Variants in IL1RAPL2 observed in about 807,000 individuals in gnomAD.
IL1RAPL2 encodes interleukin 1 receptor accessory protein like 2, also known as X-linked interleukin-1 receptor accessory protein-like 2.
IL1RAPL2 carries 3 observed loss-of-function variants against 44.1 expected under a neutral mutation model. That is an observed-to-expected ratio of 0.07 (90% CI 0.03 to 0.18). The LOEUF is 0.18. Ranked by LOEUF, IL1RAPL2 falls within the 10% of genes least tolerant of loss-of-function variation. IL1RAPL2 has a pLI of 1.00. For synonymous variants in IL1RAPL2, 181 were observed against 178.8 expected (o/e 1.01, Z -0.10); for missense variants, 391 against 496.4 (o/e 0.79, Z 2.02).
intron 2 of IL1RAPL2, among the ~76,000 whole-genome samples, chrX:105,006,910 A>G (rs1444730056): frequency 9.0e-6 from 1 of 111,346 alleles, no homozygotes; most frequent in African/African-American, 3.3e-5. Flanking sequence ...TTAAATTTCA[A>G]TCTACCAGTG....
At chrX:105,107,055 T>C (rs2032751206) in intron 2 of IL1RAPL2, among the ~76,000 whole-genome samples, 1 of 112,161 alleles carries the variant, frequency 8.9e-6, no homozygotes, top group South Asian at 3.7e-4. Flanking sequence ...TTATTTGCCA[T>C]CATGTATCTC....
chrX:105,007,599 C>G (rs1364977289), intron 2 of IL1RAPL2, among the ~76,000 whole-genome samples: 1 of 111,557 alleles, frequency 9.0e-6, no homozygotes, highest in African/African-American at 3.2e-5. Flanking sequence ...TCTTCCAATG[C>G]TAAGATTCTA....
At chrX:104,636,717 C>T (rs1462671016) in intron 1 of IL1RAPL2, among the ~76,000 whole-genome samples, 1 of 112,167 alleles carries the variant, frequency 8.9e-6, no homozygotes, top group South Asian at 3.8e-4. Flanking sequence ...GTGGTAGTGA[C>T]CCGATTTTCC....
At chrX:105,742,347 G>A (rs930496496) in intron 8 of IL1RAPL2, among the ~76,000 whole-genome samples, 4 of 111,158 alleles carry the variant, frequency 3.6e-5, no homozygotes, top group African/African-American at 1.3e-4. Context: ...TTAAAATTCC[G>A]CAAAAGATAC....
chrX:104,881,377 G>A (rs1227745421), intron 2 of IL1RAPL2, among the ~76,000 whole-genome samples: 1 of 111,726 alleles, frequency 9.0e-6, no homozygotes, highest in Non-Finnish European at 1.9e-5. Flanking sequence ...TTTTGTTGTA[G>A]TCACATTAGG....
intron 2 of IL1RAPL2, among the ~76,000 whole-genome samples, chrX:104,982,517 C>A (rs2030461164): frequency 9.0e-6 from 1 of 110,857 alleles, no homozygotes; most frequent in African/African-American, 3.3e-5. Flanking sequence ...TAGTATGTAG[C>A]AAAGTGCCTG....
At chrX:104,579,566 G>T (rs189863056) in intron 1 of IL1RAPL2, among the ~76,000 whole-genome samples, 2 of 111,470 alleles carry the variant, frequency 1.8e-5, no homozygotes, top group African/African-American at 6.5e-5. Flanking sequence ...AGAACACATG[G>T]ACACAAAGAG....
chrX:105,414,404 G>T (rs915798940), intron 5 of IL1RAPL2, among the ~76,000 whole-genome samples: 7 of 111,999 alleles, frequency 6.3e-5, no homozygotes, highest in African/African-American at 2.0e-4. Context: ...GGGATTACAG[G>T]CATGAGCCAC....
chrX:105,448,166 C>T (rs771468573), intron 5 of IL1RAPL2, among the ~76,000 whole-genome samples: 4 of 107,383 alleles, frequency 3.7e-5, no homozygotes, highest in South Asian at 7.8e-4. Flanking sequence ...TTTTTAGGAT[C>T]CTTTTATCCT....
intron 4 of IL1RAPL2, among the ~76,000 whole-genome samples, chrX:105,250,727 A>T (rs999857068): frequency 2.7e-5 from 3 of 111,145 alleles, no homozygotes; most frequent in African/African-American, 9.8e-5. Flanking sequence ...AAACTGGACA[A>T]CATAATTACA....
intron 6 of IL1RAPL2, among the ~76,000 whole-genome samples, chrX:105,681,220 A>T (rs1300151244): frequency 9.0e-6 from 1 of 111,126 alleles, no homozygotes; most frequent in African/African-American, 3.3e-5. Flanking sequence ...GAGAAGAGGA[A>T]TTCTGGTTTC....
intron 2 of IL1RAPL2, among the ~76,000 whole-genome samples, chrX:104,797,326 C>T (rs922101972): frequency 9.2e-6 from 1 of 109,220 alleles, no homozygotes. Flanking sequence ...GGGAGCGCTG[C>T]CTCTTTTGAT....
rs146383189 is a variant in IL1RAPL2 at position 104,936,909 on chromosome X, C to T, written c.83-258566C>T. On this transcript the variant is annotated intron_variant, in intron 2 of 10. Coordinates refer to ENST00000372582, the MANE Select transcript of IL1RAPL2 (RefSeq NM_017416.2). ...GCATGAGCCACCGCACCCAACCTTA[C>T]CAGACTCTTAAGTAGGAAAGTAGTA... Among the ~76,000 whole-genome samples the T allele has an allele frequency of 8.9e-3, 996 of 111,337 alleles. 7 individuals carry two copies. Among genetic ancestry groups the T allele is most frequent in the African/African-American group, 0.031 (937 of 30,655 alleles).
chrX:104,992,661 T>C (rs2030683668), intron 2 of IL1RAPL2, among the ~76,000 whole-genome samples: 1 of 110,905 alleles, frequency 9.0e-6, no homozygotes, highest in South Asian at 3.9e-4. Context: ...AGCAATGTTA[T>C]TAGGGAAAAG....
intron 2 of IL1RAPL2, among the ~76,000 whole-genome samples, chrX:104,919,253 T>C (rs1429974332): frequency 9.2e-6 from 1 of 108,233 alleles, no homozygotes; most frequent in Non-Finnish European, 1.9e-5. Flanking sequence ...AAGATGGTGT[T>C]TCGCTGTTGT....
At chrX:105,704,767 G>A (rs1382106609) in intron 6 of IL1RAPL2, among the ~76,000 whole-genome samples, 14 of 110,656 alleles carry the variant, frequency 1.3e-4, no homozygotes, top group East Asian at 5.7e-4. Flanking sequence ...TTTTCCTAAT[G>A]TTCTCCCTCC....
intron 2 of IL1RAPL2, among the ~76,000 whole-genome samples, chrX:105,114,051 C>G (rs2032827837): frequency 8.9e-6 from 1 of 111,740 alleles, no homozygotes; most frequent in South Asian, 3.8e-4. Context: ...ATGCTCCCCC[C>G]ACTAAAATGT....
intron 2 of IL1RAPL2, among the ~76,000 whole-genome samples, chrX:104,976,881 AT>A (rs1280464282): frequency 1.3e-5 from 1 of 76,384 alleles, no homozygotes; most frequent in African/African-American, 5.0e-5. Context: ...GACTTAAACA[AT>A]TGCCAAAGGA....
chrX:105,465,961 C>T (rs1347887930), intron 5 of IL1RAPL2, among the ~76,000 whole-genome samples: 1 of 111,419 alleles, frequency 9.0e-6, no homozygotes, highest in Non-Finnish European at 1.9e-5. Flanking sequence ...GCAGGCTTGG[C>T]GGGCATACAT....
Sources: gnomAD v4.1 joint callset for allele counts (sites outside exome capture counted in the v4.1 genomes callset) on GRCh38, gnomAD v4.1.1 for gene constraint, MANE v1.5 for transcripts, NCBI Gene and HGNC (gene_info 2026-07-23, HGNC 2026-07-21) for gene names.